Variants in C20orf202 observed in about 807,000 individuals in gnomAD.
C20orf202 encodes the protein uncharacterized protein C20orf202.
Under a neutral mutation model 5.3 loss-of-function variants are expected in C20orf202, and 5 were observed. That is an observed-to-expected ratio of 0.94 (90% CI 0.49 to 1.98). The LOEUF (loss-of-function observed/expected upper bound fraction) is 1.98, where lower values mean the gene tolerates loss of function less well. Among genes scored for constraint, C20orf202 ranks in the 30% most tolerant of loss-of-function variants. C20orf202 has a pLI of 0.01. For missense variants in C20orf202, 135 were observed against 123.5 expected (o/e 1.09, Z -0.44); for synonymous variants, 48 against 50.0 (o/e 0.96, Z 0.16).
chr20:1,206,821 A>G (rs2087133280), intron 1 of C20orf202, 48 bp from the exon 2 acceptor site: 1 of 1,290,290 alleles, frequency 7.8e-7, no homozygotes, highest in African/African-American at 1.5e-5. Flanking sequence ...TGATGGGGAA[A>G]CATCCAGGGC....
In C20orf202 at chr20:1,208,346, T is replaced by C. The variant is rs1422774838; in HGVS notation, c.*1244T>C. On this transcript the variant is annotated 3_prime_UTR_variant, in exon 2 of 2. Coordinates refer to ENST00000400633, the MANE Select transcript of C20orf202 (RefSeq NM_001394958.1). The stretch of plus-strand genomic sequence containing the variant: ...GTATGTTGCTAGAACATTGTTTTTA[T>C]GGCTTTGAAAAAGTAAATCGATTGC... The C allele has an allele frequency of 1.3e-5, 2 of 152,348 alleles. No individual in the cohort carries two copies. 9.4% of individuals were successfully genotyped at this position (152,348 alleles called of 1,614,324 possible).
In C20orf202 at chr20:1,207,023, G is replaced by A. The variant is rs1156480513; in HGVS notation, c.221G>A (p.Arg74Lys). Reference sequence around the variant, plus strand: ...AGAGCTCGAGCGGGCTCCGAAGGCAGGGGCTGCCAGCCGGTTTGCTCAAGG... The same window carrying A: ...AGAGCTCGAGCGGGCTCCGAAGGCAAGGGCTGCCAGCCGGTTTGCTCAAGG... ...PIRARAGSEG[R>K]GCQPVCSRGL... The change falls in exon 2 of 2, where the codon AGG becomes AAG. Residue 74 changes from arginine (R) to lysine (K), a missense_variant. Transcript: ENST00000400633. The A allele has an allele frequency of 6.5e-7, 1 of 1,550,078 alleles. No individual in the cohort carries two copies. The highest frequency in any genetic ancestry group is 8.7e-7 in the Non-Finnish European group (1 of 1,145,972).
rs2087137907 is a variant in C20orf202 at position 1,207,537 on chromosome 20, C to G, written c.*435C>G. 1.3e-5 allele frequency: 2 copies of G among 154,252 alleles called. No homozygotes were observed. The highest frequency in any genetic ancestry group is 2.4e-5 in the African/African-American group (1 of 41,510). The allele number at this position is 154,252 out of a possible 1,614,324, so 9.6% of individuals were successfully genotyped here. On this transcript the variant is annotated 3_prime_UTR_variant, in exon 2 of 2. Transcript: ENST00000400633. ...GGCTGTTTTCTGTCTTCCCAGGAAG[C>G]CTTCCCATTCCCCTTCATCTGATAA... is the stretch of plus-strand genomic sequence containing the variant.
chr20:1,206,668 G>T (rs900756659), intron 1 of C20orf202, among the ~76,000 whole-genome samples: 1 of 152,278 alleles, frequency 6.6e-6, no homozygotes, highest in Non-Finnish European at 1.5e-5. Context: ...AATTCATTCA[G>T]TCCTCATGAA....
intron 1 of C20orf202, among the ~76,000 whole-genome samples, chr20:1,205,459 G>C (rs1719735556): frequency 6.6e-6 from 1 of 152,174 alleles, no homozygotes; most frequent in Non-Finnish European, 1.5e-5. Context: ...ACTCATGCTT[G>C]AGTAGAGGAT....
intron 1 of C20orf202, among the ~76,000 whole-genome samples, chr20:1,204,374 G>A (rs56746686): frequency 0.045 from 6,898 of 152,208 alleles, 214 homozygotes; most frequent in East Asian, 0.088. Context: ...ACTGCACATT[G>A]GGGGAGAGAG....
At chr20:1,206,764 G>A (rs1485808711) in intron 1 of C20orf202, 105 bp from the exon 2 acceptor site, 8 of 679,598 alleles carry the variant, frequency 1.2e-5, no homozygotes, top group South Asian at 8.6e-5. Context: ...GAGGCTGTGC[G>A]AATCACAAGT....
intron 1 of C20orf202, among the ~76,000 whole-genome samples, chr20:1,206,031 C>A (rs1393878824): frequency 6.6e-6 from 1 of 151,366 alleles, no homozygotes; most frequent in Non-Finnish European, 1.5e-5. Flanking sequence ...CCAGCCTGGG[C>A]AACACAGTGA....
At chr20:1,205,056 C>T (rs979623265) in intron 1 of C20orf202, among the ~76,000 whole-genome samples, 28 of 151,602 alleles carry the variant, frequency 1.8e-4, no homozygotes, top group Admixed American at 1.7e-3. Flanking sequence ...CAGCCTGAGT[C>T]GTCCCAGTGT....
At position 1,208,745 on chromosome 20, in the gene C20orf202, G is replaced by A. The variant is rs2087143570; in HGVS notation, c.*1643G>A. Among the ~76,000 whole-genome samples the A allele has an allele frequency of 6.6e-6, 1 of 152,148 alleles. No individual in the cohort carries two copies. Among genetic ancestry groups the A allele is most frequent in the Non-Finnish European group, 1.5e-5 (1 of 68,016 alleles). ...CAGACTCCTGGGGCCCCTTCCAGGA[G>A]CTCAGAGACATCAGCTTCAGATGCC... On this transcript the variant is annotated 3_prime_UTR_variant, in exon 2 of 2. Transcript: ENST00000400633.
In C20orf202 at chr20:1,208,136, G is replaced by GT. The variant is rs1259262458; in HGVS notation, c.*1035dup. On this transcript the variant is annotated 3_prime_UTR_variant, in exon 2 of 2. Coordinates refer to ENST00000400633, the MANE Select transcript of C20orf202 (RefSeq NM_001394958.1). ...ATGAGGGTTTGTGACAACAACCTCCGTAACAGCAGGCAACCAGGCTTGTGA... is the reference window on the plus strand; with the variant it reads ...ATGAGGGTTTGTGACAACAACCTCCGTTAACAGCAGGCAACCAGGCTTGTGA... The GT allele has an allele frequency of 1.3e-5, 2 of 152,178 alleles. No individual in the cohort carries two copies. Among genetic ancestry groups the GT allele is most frequent in the African/African-American group, 4.8e-5 (2 of 41,442 alleles). The allele number at this position is 152,178 out of a possible 1,614,324, so 9.4% of individuals were successfully genotyped here. A position where few individuals can be genotyped will look rare whatever the true frequency, so the allele number is the denominator to read the frequency against.
In C20orf202 at chr20:1,207,797, G is replaced by C. The variant is rs556329678; in HGVS notation, c.*695G>C. The stretch of plus-strand genomic sequence containing the variant: ...ACCAGGTAAAGAAGACCTGTCTGCA[G>C]TAGGAAGGAAAGAGGCTAATCTCCA... On this transcript the variant is annotated 3_prime_UTR_variant, in exon 2 of 2. Transcript: ENST00000400633. 1 of 152,368 alleles carries C rather than the reference G, an allele frequency of 6.6e-6. No homozygotes were observed. The highest frequency in any genetic ancestry group is 2.4e-5 in the African/African-American group (1 of 41,578). The allele number at this position is 152,368 out of a possible 1,614,324, so 9.4% of individuals were successfully genotyped here.
intron 1 of C20orf202, among the ~76,000 whole-genome samples, chr20:1,206,389 A>AT (rs2087131735): frequency 6.6e-6 from 1 of 152,206 alleles, no homozygotes; most frequent in Non-Finnish European, 1.5e-5. Flanking sequence ...AAATAACTAT[A>AT]TTTTTCAAAG....
At chr20:1,204,540 T>G (rs1052225577) in intron 1 of C20orf202, among the ~76,000 whole-genome samples, 1 of 152,230 alleles carries the variant, frequency 6.6e-6, no homozygotes, top group Admixed American at 6.5e-5. Context: ...TTCATTATGG[T>G]ATTTTCTCCA....
Position 1,207,830 on chromosome 20 carries a change from G to A in C20orf202, c.*728G>A, listed in dbSNP as rs2087139346. On this transcript the variant is annotated 3_prime_UTR_variant, in exon 2 of 2. Transcript: ENST00000400633. The stretch of plus-strand genomic sequence containing the variant: ...GAAAGAGGCTAATCTCCAAAGAGAA[G>A]TAGAGAGAGGGCCACACAACAGATG... 1 of 152,288 alleles carries A rather than the reference G, an allele frequency of 6.6e-6. No homozygotes were observed. Among genetic ancestry groups the A allele is most frequent in the South Asian group, 2.1e-4 (1 of 4,828 alleles). 9.4% of individuals were successfully genotyped at this position (152,288 alleles called of 1,614,324 possible). A position where few individuals can be genotyped will look rare whatever the true frequency, so the allele number is the denominator to read the frequency against.
chr20:1,206,841 C>A, intron 1 of C20orf202, 28 bp from the exon 2 acceptor site: 1 of 1,428,696 alleles, frequency 7.0e-7, no homozygotes, highest in African/African-American at 1.4e-5. Flanking sequence ...CTCCACGCAT[C>A]CCCTCACAGG....
rs1235893065 is a variant in C20orf202, at chr20:1,206,979, C to G, written c.177C>G (p.Ser59Arg). The G allele has an allele frequency of 3.2e-6, 5 of 1,551,492 alleles. No individual in the cohort carries two copies. Among genetic ancestry groups the G allele is most frequent in the South Asian group, 1.2e-5 (1 of 84,054 alleles). The part of the protein sequence containing the change: ...DSAHWEDARS[S>R]GGTSPIRARA... Reference sequence around the variant, plus strand: ...CCCACTGGGAGGACGCCAGGTCCAGCGGAGGGACATCCCCCATCAGAGCTC... The same window carrying G: ...CCCACTGGGAGGACGCCAGGTCCAGGGGAGGGACATCCCCCATCAGAGCTC... The change falls in exon 2 of 2, where the codon AGC becomes AGG. Residue 59 changes from serine to arginine, a missense_variant. Transcript: ENST00000400633.
At position 1,203,754 on chromosome 20, in the gene C20orf202, C is replaced by G. The variant is rs73577468; in HGVS notation, c.66+103C>G. ...CCCCTGGGGCAGAGGCTGCAGGCTACGGTATGGACCCTGCAGTCTCCCCTC... is the reference window on the plus strand; with the variant it reads ...CCCCTGGGGCAGAGGCTGCAGGCTAGGGTATGGACCCTGCAGTCTCCCCTC... On this transcript the variant is annotated intron_variant, in intron 1 of 1. Transcript: ENST00000400633. 6 of 1,287,794 alleles carry G rather than the reference C, an allele frequency of 4.7e-6. No homozygotes were observed. In the African/African-American group the frequency reaches 7.5e-5, roughly 16 times the overall value. The allele number at this position is 1,287,794 out of a possible 1,614,324, so 79.8% of individuals were successfully genotyped here. A position where few individuals can be genotyped will look rare whatever the true frequency, so the allele number is the denominator to read the frequency against.
rs1385832144 is a variant in C20orf202, at chr20:1,207,878, T to C, written c.*776T>C. On this transcript the variant is annotated 3_prime_UTR_variant, in exon 2 of 2. Coordinates refer to ENST00000400633, the MANE Select transcript of C20orf202 (RefSeq NM_001394958.1). ...ATGGACAGAGAGGAAGAGCGCTGGC[T>C]CTTTTTGGTCCCTGGTTTTAGGTCC... 6.6e-6 allele frequency: 1 copy of C among 152,246 alleles called. No individual in the cohort carries two copies. The highest frequency in any genetic ancestry group is 1.5e-5 in the Non-Finnish European group (1 of 68,060). The allele number at this position is 152,246 out of a possible 1,614,324, so 9.4% of individuals were successfully genotyped here.
Sources: allele counts gnomAD v4.1 joint callset (sites outside exome capture counted in the v4.1 genomes callset), GRCh38; gene constraint gnomAD v4.1.1; transcripts MANE v1.5; gene names NCBI Gene and HGNC (gene_info 2026-07-23, HGNC 2026-07-21).